PPP4C: variants seen among roughly 807,000 people sequenced by gnomAD.
The protein encoded by PPP4C is protein phosphatase 4 catalytic subunit.
Under a neutral mutation model 40.5 loss-of-function variants are expected in PPP4C, and 10 were observed. That is an observed-to-expected ratio of 0.25 (90% CI 0.15 to 0.42). The LOEUF (loss-of-function observed/expected upper bound fraction) is 0.42, where lower values mean the gene tolerates loss of function less well. Ranked by LOEUF, PPP4C falls within the 10% of genes least tolerant of loss-of-function variation. The pLI, the probability that PPP4C is intolerant of heterozygous loss-of-function variation, is 1.00. For synonymous variants in PPP4C, 187 were observed against 163.6 expected, an observed-to-expected ratio of 1.14 and a Z score of -1.09; for missense variants, 191 against 416.4, an observed-to-expected ratio of 0.46 and a Z score of 4.71.
At position 30,082,697 on chromosome 16, in the gene PPP4C, G is replaced by T. The variant is rs192142202; in HGVS notation, c.202-49G>T. On this transcript the variant is annotated intron_variant, in intron 4 of 8. Transcript: ENST00000279387. ...GCCTCCGCTGGACAGAAACAGGTAG[G>T]GGGTAGGGGACTGTTTACGACAGGG... The T allele has an allele frequency of 8.3e-6, 13 of 1,564,724 alleles. No homozygotes were observed. The East Asian group carries it at 1.8e-4, about 22-fold the overall frequency.
At chr16:30,081,657 C>T (rs1386794184) in intron 3 of PPP4C, 4 of 200,824 alleles carry the variant, frequency 2.0e-5, no homozygotes, top group African/African-American at 4.7e-5. Context: ...GCAGGAGAAT[C>T]GCTTGAACCC....
rs779806768 is a variant in PPP4C, at chr16:30,076,439, A to G, written c.62A>G (p.Lys21Arg). The change falls in exon 2 of 9, where the codon AAG becomes AGG. Residue 21 changes from lysine (K) to arginine (R), a missense_variant. This residue lies in a region of PPP4C where 171 missense variants were observed against 352.4 expected (regional missense o/e 0.49). Transcript: ENST00000279387. Reference sequence around the variant, plus strand: ...CAGCTGCGTCGCTGCGAGCTCATCAAGGAGAGCGAAGTCAAGGCCCTGTGC... The same window carrying G: ...CAGCTGCGTCGCTGCGAGCTCATCAGGGAGAGCGAAGTCAAGGCCCTGTGC... The part of the protein sequence containing the change: ...IEQLRRCELI[K>R]ESEVKALCAK... 10 of 1,613,384 alleles carry G rather than the reference A, an allele frequency of 6.2e-6. No homozygotes were observed. Among genetic ancestry groups the G allele is most frequent in the Middle Eastern group, 1.6e-4 (1 of 6,062 alleles).
intron 2 of PPP4C, among the ~76,000 whole-genome samples, chr16:30,080,313 C>T (rs944758634): frequency 2.1e-5 from 3 of 144,322 alleles, no homozygotes; most frequent in African/African-American, 7.7e-5. Context: ...CCACTGCACT[C>T]CAGACTGGGC....
chr16:30,085,167 C>T lies in PPP4C; in HGVS notation c.*105C>T. Reference sequence around the variant, plus strand: ...GGGCGTGGGGGGGGCTGTCCTGGCTCTGCTGTCCCCCAAGAGGGTGCTTCG... The same window carrying T: ...GGGCGTGGGGGGGGCTGTCCTGGCTTTGCTGTCCCCCAAGAGGGTGCTTCG... On this transcript the variant is annotated 3_prime_UTR_variant, in exon 9 of 9. Coordinates refer to ENST00000279387, the MANE Select transcript of PPP4C (RefSeq NM_002720.3). 2 of 1,429,978 alleles carry T rather than the reference C, an allele frequency of 1.4e-6. No homozygotes were observed. The highest frequency in any genetic ancestry group is 1.8e-5 in the Admixed American group (1 of 54,696). The allele number at this position is 1,429,978 out of a possible 1,614,324, so 88.6% of individuals were successfully genotyped here.
rs750895364 is a variant in PPP4C at position 30,084,724 on chromosome 16, G to C, written c.663G>C (p.Val221=). The part of the protein sequence containing the change: ...RGAGYLFGSD[V]VAQFNAANDI... ...CCGGCTACCTATTTGGCAGTGACGT[G>C]GTGGCCCAGTTCAACGCAGCCAATG... Residue 221 remains valine (V), a synonymous_variant, in exon 8 of 9, where the codon GTG becomes GTC. Transcript: ENST00000279387. The C allele has an allele frequency of 1.2e-6, 2 of 1,614,260 alleles. No homozygotes were observed. The highest frequency in any genetic ancestry group is 2.2e-5 in the East Asian group (1 of 44,882).
At chr16:30,076,260 C>T (rs927548483) in intron 1 of PPP4C, 55 bp from the exon 2 acceptor site, 8 of 1,042,378 alleles carry the variant, frequency 7.7e-6, no homozygotes, top group Middle Eastern at 3.1e-4. Context: ...ATCGAGTTGT[C>T]CGCTCCGAGC....
chr16:30,076,591 G>A, intron 2 of PPP4C, 116 bp downstream of exon 2: 1 of 978,550 alleles, frequency 1.0e-6, no homozygotes, highest in Non-Finnish European at 1.5e-6. Flanking sequence ...TCCCAGAGAG[G>A]AGCAGGATGG....
At position 30,083,663 on chromosome 16, in the gene PPP4C, C is replaced by T. The variant is rs761410704; in HGVS notation, c.486C>T (p.Cys162=). 2.3e-5 allele frequency: 37 copies of T among 1,614,054 alleles called. No homozygotes were observed. Among genetic ancestry groups the T allele is most frequent in the African/African-American group, 9.3e-5 (7 of 74,944 alleles). The change falls in exon 7 of 9, where the codon TGC becomes TGT. Residue 162 remains cysteine, a synonymous_variant. Coordinates refer to ENST00000279387, the MANE Select transcript of PPP4C (RefSeq NM_002720.3). The surrounding 1 kb of genome is among the most constrained non-coding windows in gnomAD (Gnocchi z 6.3). ...LSAIIDGKIF[C]VHGGLSPSIQ... Reference sequence around the variant, plus strand: ...CCTGCTCTCCCCTGTAGATCTTCTGCGTGCACGGGGGCCTCTCCCCCTCCA... The same window carrying T: ...CCTGCTCTCCCCTGTAGATCTTCTGTGTGCACGGGGGCCTCTCCCCCTCCA...
rs938077927 is a variant in PPP4C at position 30,085,150 on chromosome 16, G to A, written c.*88G>A. On this transcript the variant is annotated 3_prime_UTR_variant, in exon 9 of 9. Transcript: ENST00000279387. ...TTCCTCAGACGGAGGCTGGGCGTGG[G>A]GGGGGCTGTCCTGGCTCTGCTGTCC... The A allele has an allele frequency of 7.9e-6, 12 of 1,513,918 alleles. No individual in the cohort carries two copies. Among genetic ancestry groups the A allele is most frequent in the Non-Finnish European group, 1.1e-5 (12 of 1,109,686 alleles). The allele number at this position is 1,513,918 out of a possible 1,614,324, so 93.8% of individuals were successfully genotyped here. A position where few individuals can be genotyped will look rare whatever the true frequency, so the allele number is the denominator to read the frequency against.
chr16:30,076,363 C>G lies in PPP4C; in HGVS notation c.-15C>G. The G allele has an allele frequency of 6.2e-7, 1 of 1,611,620 alleles. No individual in the cohort carries two copies. The highest frequency in any genetic ancestry group is 1.1e-5 in the South Asian group (1 of 90,962). ...GGGCGGCGGCCCCGACTCTGACCCGCGCCGGGGGTGGGCCATGGCGGAGAT... is the reference window on the plus strand; with the variant it reads ...GGGCGGCGGCCCCGACTCTGACCCGGGCCGGGGGTGGGCCATGGCGGAGAT... On this transcript the variant is annotated 5_prime_UTR_variant, in exon 2 of 9. Coordinates refer to ENST00000279387, the MANE Select transcript of PPP4C (RefSeq NM_002720.3).
At position 30,085,155 on chromosome 16, in the gene PPP4C, G is replaced by GT; in HGVS notation, c.*93_*94insT. On this transcript the variant is annotated 3_prime_UTR_variant, in exon 9 of 9. Coordinates refer to ENST00000279387, the MANE Select transcript of PPP4C (RefSeq NM_002720.3). ...CAGACGGAGGCTGGGCGTGGGGGGGGCTGTCCTGGCTCTGCTGTCCCCCAA... is the reference window on the plus strand; with the variant it reads ...CAGACGGAGGCTGGGCGTGGGGGGGGTCTGTCCTGGCTCTGCTGTCCCCCAA... 6.7e-7 allele frequency: 1 copy of GT among 1,493,294 alleles called. No homozygotes were observed. The highest frequency in any genetic ancestry group is 9.1e-7 in the Non-Finnish European group (1 of 1,094,220). 92.5% of individuals were successfully genotyped at this position (1,493,294 alleles called of 1,614,324 possible).
intron 2 of PPP4C, among the ~76,000 whole-genome samples, chr16:30,079,519 T>C (rs2072464960): frequency 6.6e-6 from 1 of 152,130 alleles, no homozygotes; most frequent in Admixed American, 6.5e-5. Context: ...TACGTGAGGC[T>C]GAAGAGAACC....
Position 30,084,981 on chromosome 16 carries a change from A to G in PPP4C, c.843A>G (p.Lys281=). 1 of 1,614,228 alleles carries G rather than the reference A, an allele frequency of 6.2e-7. No individual in the cohort carries two copies. Among genetic ancestry groups the G allele is most frequent in the South Asian group, 1.1e-5 (1 of 91,090 alleles). Residue 281 remains lysine, a synonymous_variant, in exon 9 of 9, where the codon AAA becomes AAG. Transcript: ENST00000279387. ...TGGAGCTGGACGAGCATCTCCAGAA[A>G]GATTTCATCATCTTTGAGGCTGCTC... ...AILELDEHLQ[K]DFIIFEAAPQ...
In PPP4C at chr16:30,082,554, T is replaced by C. The variant is rs1363893949; in HGVS notation, c.201+20T>C. On this transcript the variant is annotated intron_variant, in intron 4 of 8. Coordinates refer to ENST00000279387, the MANE Select transcript of PPP4C (RefSeq NM_002720.3). ...TTCAGAGTAAGAGTGTGGCCAACAC[T>C]GTGAAATGTAACGGGGGGATGACTG... The C allele has an allele frequency of 3.7e-6, 6 of 1,607,382 alleles. No homozygotes were observed. In the African/African-American group the frequency reaches 5.4e-5, roughly 14 times the overall value.
chr16:30,084,596 C>G, intron 7 of PPP4C, 70 bp from the exon 8 acceptor site: 1 of 1,479,670 alleles, frequency 6.8e-7, no homozygotes, highest in African/African-American at 1.4e-5. Flanking sequence ...GCTGCTCACC[C>G]TCAAGGGGCA....
At chr16:30,081,741 T>TCAAAAAAAAA (rs536698787) in intron 3 of PPP4C, 3 of 150,298 alleles carry the variant, frequency 2.0e-5, no homozygotes, top group Admixed American at 6.3e-5. Context: ...AGACTCCGTC[T>TCAAAAAAAAA]CAAAAAAAAA....
At position 30,076,048 on chromosome 16, in the gene PPP4C, A is replaced by G; in HGVS notation, c.-110A>G. The G allele has an allele frequency of 2.5e-6, 1 of 396,030 alleles. No individual in the cohort carries two copies. Among genetic ancestry groups the G allele is most frequent in the Non-Finnish European group, 4.6e-6 (1 of 218,878 alleles). The allele number at this position is 396,030 out of a possible 1,614,324, so 24.5% of individuals were successfully genotyped here. On this transcript the variant is annotated 5_prime_UTR_variant, in exon 1 of 9. Coordinates refer to ENST00000279387, the MANE Select transcript of PPP4C (RefSeq NM_002720.3). The stretch of plus-strand genomic sequence containing the variant: ...CGGCGGCGGTCGAAAGCGGAGTGAA[A>G]GAGGGAGGCAGGGAGCCGGAGAGCC...
chr16:30,085,333 T>A lies in PPP4C; in HGVS notation c.*271T>A. 3 of 345,422 alleles carry A rather than the reference T, an allele frequency of 8.7e-6. No individual in the cohort carries two copies. 21.4% of individuals were successfully genotyped at this position (345,422 alleles called of 1,614,324 possible). A position where few individuals can be genotyped will look rare whatever the true frequency, so the allele number is the denominator to read the frequency against. ...TCTGTTTGTTTTTAGATAAAAATTT[T>A]GAGAAAAAAAATGAAAAAATTCTAA... On this transcript the variant is annotated 3_prime_UTR_variant, in exon 9 of 9. Coordinates refer to ENST00000279387, the MANE Select transcript of PPP4C (RefSeq NM_002720.3).
Position 30,076,406 on chromosome 16 carries a change from A to T in PPP4C, c.29A>T (p.Gln10Leu). 1 of 1,613,322 alleles carries T rather than the reference A, an allele frequency of 6.2e-7. No individual in the cohort carries two copies. Among genetic ancestry groups the T allele is most frequent in the Non-Finnish European group, 8.5e-7 (1 of 1,179,830 alleles). The stretch of plus-strand genomic sequence containing the variant: ...GCGGAGATCAGCGACCTGGACCGGC[A>T]GATCGAGCAGCTGCGTCGCTGCGAG... MAEISDLDR[Q>L]IEQLRRCELI... Residue 10 changes from glutamine (Q) to leucine (L), a missense_variant, in exon 2 of 9, where the codon CAG (glutamine) becomes CTG (leucine). By Grantham distance (113) the Gln-to-Leu change is moderately radical. Coordinates refer to ENST00000279387, the MANE Select transcript of PPP4C (RefSeq NM_002720.3).
Sources: gnomAD v4.1 joint callset for allele counts (sites outside exome capture counted in the v4.1 genomes callset) on GRCh38, gnomAD v4.1.1 for gene constraint, gnomAD v4.1.1 regional missense constraint, Gnocchi (gnomAD v3.1) non-coding constraint, MANE v1.5 for transcripts, NCBI Gene and HGNC (gene_info 2026-07-23, HGNC 2026-07-21) for gene names.